SHB: variants seen among roughly 807,000 people sequenced by gnomAD.
The protein encoded by SHB is SH2 domain containing adaptor protein B, also known as SH2 domain-containing adapter protein B.
Under a neutral mutation model 52.3 loss-of-function variants are expected in SHB, and 20 were observed. The ratio of observed to expected loss-of-function variants is 0.38; its 90% confidence interval spans 0.27 to 0.56. The LOEUF is 0.56. SHB is among the 20% of genes least tolerant of loss of function. SHB has a pLI of 0.71. For synonymous variants in SHB, 397 were observed against 316.5 expected (o/e 1.25, Z -2.70); for missense variants, 825 against 723.3 (o/e 1.14, Z -1.61).
At chr9:37,955,301 T>C (rs1221252812) in intron 4 of SHB, among the ~76,000 whole-genome samples, 1 of 152,116 alleles carries the variant, frequency 6.6e-6, no homozygotes, top group Non-Finnish European at 1.5e-5. Flanking sequence ...CAACACAGTG[T>C]GGAGAGAAAA....
intron 4 of SHB, among the ~76,000 whole-genome samples, chr9:37,949,413 A>C (rs1234591365): frequency 6.6e-6 from 1 of 151,636 alleles, no homozygotes; most frequent in Non-Finnish European, 1.5e-5. Context: ...AAAAAAAAGA[A>C]AAAGAAAAAA....
chr9:38,021,153 C>A (rs4878738), intron 1 of SHB, among the ~76,000 whole-genome samples: 1 of 151,608 alleles, frequency 6.6e-6, no homozygotes, highest in African/African-American at 2.4e-5. Context: ...GCCCGACCAA[C>A]GTGGAGAAAC....
intron 5 of SHB, among the ~76,000 whole-genome samples, chr9:37,926,702 G>C (rs1832254944): frequency 6.6e-6 from 1 of 152,252 alleles, no homozygotes; most frequent in African/African-American, 2.4e-5. Flanking sequence ...TTAGGCCACT[G>C]TTTCAGTACA....
chr9:38,063,600 AC>A (rs1821920890), intron 1 of SHB, among the ~76,000 whole-genome samples: 4 of 151,976 alleles, frequency 2.6e-5, no homozygotes, highest in Admixed American at 2.0e-4. Flanking sequence ...GGCCCTCCCA[AC>A]CCTGTGCACA....
At chr9:37,987,486 A>C (rs1248431311) in intron 2 of SHB, among the ~76,000 whole-genome samples, 2 of 152,206 alleles carry the variant, frequency 1.3e-5, no homozygotes, top group Non-Finnish European at 2.9e-5. Context: ...TAGGGACAAA[A>C]GAACACGGAC....
At chr9:38,055,886 C>T (rs536945715) in intron 1 of SHB, among the ~76,000 whole-genome samples, 1 of 152,144 alleles carries the variant, frequency 6.6e-6, no homozygotes, top group East Asian at 1.9e-4. Flanking sequence ...AGGATGCCGA[C>T]TCCACCAGAG....
intron 2 of SHB, among the ~76,000 whole-genome samples, chr9:38,014,635 G>A (rs372225294): frequency 2.4e-4 from 36 of 152,368 alleles, no homozygotes; most frequent in Middle Eastern, 6.8e-3. Context: ...GGGCATGAGA[G>A]GGATGCTCCA....
chr9:37,961,763 C>T (rs191143789), intron 3 of SHB, among the ~76,000 whole-genome samples: 13 of 152,352 alleles, frequency 8.5e-5, no homozygotes, highest in Admixed American at 7.2e-4. Context: ...TTGCTCTAGA[C>T]CCCCAGGTAG....
intron 3 of SHB, among the ~76,000 whole-genome samples, chr9:37,973,234 A>AT (rs1564091782): frequency 6.6e-6 from 1 of 151,898 alleles, no homozygotes; most frequent in East Asian, 1.9e-4. Context: ...GAATTTTTTT[A>AT]TTTTTTATTT....
chr9:37,982,546 A>G (rs1436709890), intron 2 of SHB, among the ~76,000 whole-genome samples: 1 of 151,816 alleles, frequency 6.6e-6, no homozygotes, highest in Admixed American at 6.6e-5. Context: ...TAATCCCACC[A>G]CTTTGGGAGG....
intron 1 of SHB, among the ~76,000 whole-genome samples, chr9:38,052,116 C>CT (rs1241959283): frequency 1.3e-5 from 2 of 152,188 alleles, no homozygotes; most frequent in African/African-American, 4.8e-5. Context: ...TGGAATGTCT[C>CT]TAACTCCACG....
At chr9:38,023,782 A>G (rs1039907959) in intron 1 of SHB, among the ~76,000 whole-genome samples, 1 of 152,042 alleles carries the variant, frequency 6.6e-6, no homozygotes, top group African/African-American at 2.4e-5. Context: ...CAGAAGTGTG[A>G]CTTGCCTATG....
At chr9:38,048,496 T>C (rs981981433) in intron 1 of SHB, among the ~76,000 whole-genome samples, 2 of 152,130 alleles carry the variant, frequency 1.3e-5, no homozygotes, top group African/African-American at 4.8e-5. Context: ...TAGCTGGGCA[T>C]GGTGGTGAGT....
rs554442635 is a variant in SHB, at chr9:37,957,594, T to G, written c.1055-1540A>C. On this transcript the variant is annotated intron_variant, in intron 3 of 5. Coordinates refer to ENST00000377707, the MANE Select transcript of SHB (RefSeq NM_003028.3). ...GTGTGGCCAGCCTGCTACCCAGCAG[T>G]GACACCAACAGGTAGTCCACCCGCG... Among the ~76,000 whole-genome samples the G allele has an allele frequency of 1.3e-4, 20 of 152,318 alleles. No individual in the cohort carries two copies. In the East Asian group the frequency reaches 3.3e-3, roughly 25 times the overall value.
intron 2 of SHB, among the ~76,000 whole-genome samples, chr9:37,992,868 C>T (rs1209433219): frequency 1.6e-5 from 2 of 125,864 alleles, no homozygotes; most frequent in South Asian, 2.7e-4. Context: ...TATATGCATG[C>T]ACACACACAC....
chr9:37,934,327 T>C (rs894509288), intron 5 of SHB, among the ~76,000 whole-genome samples: 1 of 152,208 alleles, frequency 6.6e-6, no homozygotes, highest in African/African-American at 2.4e-5. Flanking sequence ...GATGGGGGTC[T>C]TGCTTTGTTG....
intron 1 of SHB, among the ~76,000 whole-genome samples, chr9:38,030,727 C>T (rs1821402937): frequency 6.6e-6 from 1 of 152,088 alleles, no homozygotes; most frequent in Non-Finnish European, 1.5e-5. Flanking sequence ...GGGATGGGCC[C>T]TGCAAATTAT....
Position 37,948,666 on chromosome 9 carries a change from T to C in SHB, c.1315A>G (p.Thr439Ala), listed in dbSNP as rs2117891898. Residue 439 changes from threonine (T) to alanine (A), a missense_variant, in exon 5 of 6, where the codon ACC (threonine) becomes GCC (alanine). Transcript: ENST00000377707. ...GAGAGGGAGTAGTCATGCTTGCTGG[T>C]CTGGCTGTTCCGGACAAGGTAGCTA... Reference protein sequence around the residue: ...ECSYLVRNSQTSKHDYSLSLR... With the variant: ...ECSYLVRNSQASKHDYSLSLR... The C allele has an allele frequency of 1.9e-6, 3 of 1,613,866 alleles. No individual in the cohort carries two copies. Among genetic ancestry groups the C allele is most frequent in the East Asian group, 4.5e-5 (2 of 44,854 alleles).
intron 1 of SHB, among the ~76,000 whole-genome samples, chr9:38,030,717 G>T (rs10973645): frequency 0.14 from 20,917 of 151,960 alleles, 3,186 homozygotes; most frequent in African/African-American, 0.37. Flanking sequence ...TATTTTTTGT[G>T]GGATGGGCCC....
Sources: gnomAD v4.1 joint callset for allele counts (sites outside exome capture counted in the v4.1 genomes callset) on GRCh38, gnomAD v4.1.1 for gene constraint, MANE v1.5 for transcripts, NCBI Gene and HGNC (gene_info 2026-07-23, HGNC 2026-07-21) for gene names.